The following LRRTM4 variants were observed in gnomAD, a reference collection of about 807,000 sequenced individuals.
LRRTM4 encodes the protein leucine-rich repeat transmembrane neuronal protein 4.
A neutral mutation model predicts 47.6 loss-of-function variants in LRRTM4; 25 were observed. That is an observed-to-expected ratio of 0.53 (90% confidence interval 0.38 to 0.73). The LOEUF (loss-of-function observed/expected upper bound fraction) is 0.73. Among genes scored for constraint, LRRTM4 ranks in the 30% least tolerant of loss-of-function variants. The pLI is 0.00. For missense variants in LRRTM4, 638 were observed against 713.4 expected (o/e 0.89, Z 1.20); for synonymous variants, 311 against 269.5 (o/e 1.15, Z -1.51).
At chr2:76,850,733 G>A (rs1671968513) in intron 3 of LRRTM4, among the ~76,000 whole-genome samples, 1 of 152,052 alleles carries the variant, frequency 6.6e-6, no homozygotes. Context: ...ATTCACACAT[G>A]TGCTTCATAG....
At chr2:77,205,122 T>C (rs1431910484) in intron 3 of LRRTM4, among the ~76,000 whole-genome samples, 1 of 152,198 alleles carries the variant, frequency 6.6e-6, no homozygotes, top group African/African-American at 2.4e-5. Context: ...AACATACACA[T>C]GTAGTGCAAC....
intron 3 of LRRTM4, among the ~76,000 whole-genome samples, chr2:77,308,012 A>G (rs1332732274): frequency 7.1e-6 from 1 of 140,552 alleles, no homozygotes; most frequent in African/African-American, 2.6e-5. Context: ...CATATATGTT[A>G]CATATTATAT....
intron 3 of LRRTM4, among the ~76,000 whole-genome samples, chr2:76,889,758 T>C (rs575630235): frequency 1.3e-5 from 2 of 152,056 alleles, no homozygotes; most frequent in African/African-American, 4.8e-5. Flanking sequence ...TACTTGCTTT[T>C]CTCTTCTTTT....
intron 3 of LRRTM4, among the ~76,000 whole-genome samples, chr2:77,128,199 G>T (rs2103969560): frequency 6.6e-6 from 1 of 151,754 alleles, no homozygotes; most frequent in Non-Finnish European, 1.5e-5. Context: ...AATAAAATAA[G>T]TGTTGTTTCA....
At chr2:77,099,478 T>C (rs1449411381) in intron 3 of LRRTM4, among the ~76,000 whole-genome samples, 1 of 152,024 alleles carries the variant, frequency 6.6e-6, no homozygotes, top group Non-Finnish European at 1.5e-5. Context: ...TATTAACATA[T>C]ATAAGATATG....
intron 3 of LRRTM4, among the ~76,000 whole-genome samples, chr2:77,031,584 G>A (rs1573475173): frequency 6.6e-6 from 1 of 152,052 alleles, no homozygotes; most frequent in East Asian, 1.9e-4. Context: ...GAGTCCCAAG[G>A]TTTATTTAGT....
intron 3 of LRRTM4, among the ~76,000 whole-genome samples, chr2:77,318,537 T>C (rs1270257049): frequency 1.3e-5 from 2 of 152,082 alleles, no homozygotes; most frequent in Non-Finnish European, 2.9e-5. Context: ...ACCTGGAAAA[T>C]ATAACTACCC....
At chr2:77,488,437 A>G (rs1336241176) in intron 3 of LRRTM4, among the ~76,000 whole-genome samples, 1 of 152,176 alleles carries the variant, frequency 6.6e-6, no homozygotes, top group Non-Finnish European at 1.5e-5. Flanking sequence ...GATCAGTGCC[A>G]GTAGCGTGAG....
At chr2:77,341,146 G>C (rs1671359483) in intron 3 of LRRTM4, among the ~76,000 whole-genome samples, 1 of 151,894 alleles carries the variant, frequency 6.6e-6, no homozygotes, top group South Asian at 2.1e-4. Flanking sequence ...CTGCTACCCA[G>C]AGAGGGCCAT....
chr2:77,057,716 T>A (rs1400033352), intron 3 of LRRTM4, among the ~76,000 whole-genome samples: 6 of 152,174 alleles, frequency 3.9e-5, no homozygotes, highest in African/African-American at 1.4e-4. Flanking sequence ...AGTACTTTTT[T>A]AAAAGCTTTC....
chr2:77,433,592 A>T (rs923893751), intron 3 of LRRTM4, among the ~76,000 whole-genome samples: 1 of 152,220 alleles, frequency 6.6e-6, no homozygotes, highest in African/African-American at 2.4e-5. Flanking sequence ...CTTATCAGGT[A>T]ATATTCTGAT....
intron 3 of LRRTM4, among the ~76,000 whole-genome samples, chr2:77,121,716 T>C (rs567532541): frequency 6.6e-6 from 1 of 151,968 alleles, no homozygotes; most frequent in South Asian, 2.1e-4. Context: ...TTGACTGTAG[T>C]CCAATTTCCC....
chr2:77,311,272 G>A (rs1386413099), intron 3 of LRRTM4, among the ~76,000 whole-genome samples: 1 of 151,994 alleles, frequency 6.6e-6, no homozygotes, highest in Admixed American at 6.6e-5. Context: ...AGTTTTCTTG[G>A]AAAAAATAAA....
chr2:77,399,596 TAACTAAACTA>T (rs966984779), intron 3 of LRRTM4, among the ~76,000 whole-genome samples: 1 of 150,820 alleles, frequency 6.6e-6, no homozygotes, highest in Non-Finnish European at 1.5e-5. Context: ...GGATCTTTAG[TAACTAAACTA>T]AACTAAACTA....
At chr2:77,251,115 A>T (rs1675593315) in intron 3 of LRRTM4, among the ~76,000 whole-genome samples, 1 of 148,740 alleles carries the variant, frequency 6.7e-6, no homozygotes, top group African/African-American at 2.5e-5. Flanking sequence ...AAGAAAAAAA[A>T]TATATATACA....
At chr2:76,847,671 A>G (rs554274461) in intron 3 of LRRTM4, among the ~76,000 whole-genome samples, 4 of 152,090 alleles carry the variant, frequency 2.6e-5, no homozygotes, top group Admixed American at 6.6e-5. Flanking sequence ...ATTTTCATTT[A>G]TAATGATATT....
intron 3 of LRRTM4, among the ~76,000 whole-genome samples, chr2:77,334,794 T>C (rs962977494): frequency 6.6e-6 from 1 of 152,210 alleles, no homozygotes; most frequent in African/African-American, 2.4e-5. Context: ...AGATGAACTA[T>C]GTTTTAGTCA....
At chr2:77,049,185 T>C (rs1679344206) in intron 3 of LRRTM4, among the ~76,000 whole-genome samples, 1 of 140,916 alleles carries the variant, frequency 7.1e-6, no homozygotes, top group African/African-American at 2.8e-5. Context: ...ACATTTTCTT[T>C]ATCCATTCAT....
intron 3 of LRRTM4, among the ~76,000 whole-genome samples, chr2:77,146,607 G>T (rs1381700825): frequency 6.6e-6 from 1 of 151,970 alleles, no homozygotes. Flanking sequence ...TTTTTTCATT[G>T]TTGCCAAATT....
Sources: allele counts gnomAD v4.1 joint callset (sites outside exome capture counted in the v4.1 genomes callset), GRCh38; gene constraint gnomAD v4.1.1; transcripts MANE v1.5; gene names NCBI Gene and HGNC (gene_info 2026-07-23, HGNC 2026-07-21).